The following XPO7 variants were observed in gnomAD, a reference collection of about 807,000 sequenced individuals.
XPO7 encodes the protein exportin 7, also known as exportin-7.
XPO7 carries 21 observed loss-of-function variants against 144.3 expected under a neutral mutation model. That is an observed-to-expected ratio of 0.15 (90% confidence interval 0.10 to 0.21). XPO7 has a LOEUF of 0.21. Ranked by LOEUF, XPO7 falls within the 10% of genes least tolerant of loss-of-function variation. XPO7 has a pLI of 1.00. For missense variants in XPO7, 808 were observed against 1,325.8 expected, an observed-to-expected ratio of 0.61 and a Z score of 6.06; for synonymous variants, 580 against 499.6, an observed-to-expected ratio of 1.16 and a Z score of -2.15.
chr8:21,976,280 C>T, intron 6 of XPO7, 76 bp from the exon 7 acceptor site: 1 of 1,525,324 alleles, frequency 6.6e-7, no homozygotes, highest in Non-Finnish European at 8.9e-7. Flanking sequence ...TCTGACTTAA[C>T]AGCTTTGTTG....
chr8:21,942,104 C>T (rs890469907), intron 1 of XPO7, among the ~76,000 whole-genome samples: 1 of 152,120 alleles, frequency 6.6e-6, no homozygotes, highest in African/African-American at 2.4e-5. Flanking sequence ...GGAGAAGATA[C>T]AAAGGTAGCA....
chr8:21,933,965 T>A (rs952127001), intron 1 of XPO7, among the ~76,000 whole-genome samples: 1 of 152,202 alleles, frequency 6.6e-6, no homozygotes, highest in African/African-American at 2.4e-5. Flanking sequence ...CTTAATTTTG[T>A]TATGTTGTTA....
intron 1 of XPO7, among the ~76,000 whole-genome samples, chr8:21,936,637 T>C (rs1244550660): frequency 3.3e-5 from 5 of 152,212 alleles, no homozygotes; most frequent in Non-Finnish European, 7.3e-5. Context: ...AAACTATGTA[T>C]TGTATCTTTC....
chr8:21,950,717 T>C (rs1019990171), intron 1 of XPO7, among the ~76,000 whole-genome samples: 25 of 152,296 alleles, frequency 1.6e-4, no homozygotes, highest in Non-Finnish European at 2.6e-4. Context: ...TTCATATTTG[T>C]TTTTCAGAAG....
intron 1 of XPO7, among the ~76,000 whole-genome samples, chr8:21,963,676 CAG>C (rs1489451300): frequency 6.9e-6 from 1 of 143,970 alleles, no homozygotes; most frequent in Non-Finnish European, 1.5e-5. Context: ...GCCTGGGCGA[CAG>C]AGTGAGACTC....
chr8:21,944,745 GCCGCCTT>G (rs992543877), intron 1 of XPO7, among the ~76,000 whole-genome samples: 19 of 152,052 alleles, frequency 1.2e-4, no homozygotes, highest in Admixed American at 9.2e-4. Context: ...CCTAGGCCCT[GCCGCCTT>G]CCGCCTTCCG....
At chr8:21,943,467 C>T (rs1051299006) in intron 1 of XPO7, among the ~76,000 whole-genome samples, 1 of 152,162 alleles carries the variant, frequency 6.6e-6, no homozygotes, top group Non-Finnish European at 1.5e-5. Flanking sequence ...ATTACTATAA[C>T]TGAACACATT....
At chr8:21,941,779 G>C (rs867137404) in intron 1 of XPO7, among the ~76,000 whole-genome samples, 1 of 152,262 alleles carries the variant, frequency 6.6e-6, no homozygotes, top group African/African-American at 2.4e-5. Flanking sequence ...AGGCTTAAGC[G>C]ATCCTCCCGC....
At chr8:21,971,119 C>T (rs1298844167) in intron 4 of XPO7, among the ~76,000 whole-genome samples, 1 of 152,154 alleles carries the variant, frequency 6.6e-6, no homozygotes, top group Non-Finnish European at 1.5e-5. Context: ...TATAGTTGCC[C>T]ACAGTATAGT....
At chr8:21,944,008 A>G (rs1178849614) in intron 1 of XPO7, among the ~76,000 whole-genome samples, 1 of 152,190 alleles carries the variant, frequency 6.6e-6, no homozygotes, top group African/African-American at 2.4e-5. Flanking sequence ...GTTTGATAAA[A>G]TCTCTCTGAA....
At chr8:21,940,988 C>T (rs1452623246) in intron 1 of XPO7, among the ~76,000 whole-genome samples, 2 of 152,076 alleles carry the variant, frequency 1.3e-5, no homozygotes, top group African/African-American at 4.8e-5. Flanking sequence ...AGCCTGAGTT[C>T]TTCAGTAGGT....
intron 15 of XPO7, chr8:21,988,760 G>C: frequency 2.0e-6 from 1 of 492,252 alleles, no homozygotes; most frequent in Non-Finnish European, 3.7e-6. Flanking sequence ...CCAAGGGCCT[G>C]GGTATGGGCC....
intron 1 of XPO7, among the ~76,000 whole-genome samples, chr8:21,938,734 C>G (rs1810896602): frequency 6.6e-6 from 1 of 151,624 alleles, no homozygotes; most frequent in Admixed American, 6.6e-5. Flanking sequence ...TCCGAATACC[C>G]TTATATTAAC....
Position 22,002,128 on chromosome 8 carries a change from A to G in XPO7, c.2799A>G (p.Thr933=). The change falls in exon 25 of 28, where the codon ACA becomes ACG. Residue 933 remains threonine (T), a synonymous_variant. Coordinates refer to ENST00000252512, the MANE Select transcript of XPO7 (RefSeq NM_015024.5). The stretch of plus-strand genomic sequence containing the variant: ...TTCTTGCAGACACCATGGTATGCAC[A>G]GGCTGCTGCTCCTGCCTGGACCACA... ...GLTALDTMVC[T]GCCSCLDHIV... 2 of 1,610,428 alleles carry G rather than the reference A, an allele frequency of 1.2e-6. No homozygotes were observed. Among genetic ancestry groups the G allele is most frequent in the Non-Finnish European group, 8.5e-7 (1 of 1,178,304 alleles).
intron 1 of XPO7, among the ~76,000 whole-genome samples, chr8:21,961,984 C>A (rs950119680): frequency 2.0e-5 from 3 of 152,204 alleles, no homozygotes; most frequent in Non-Finnish European, 4.4e-5. Flanking sequence ...ATTCTAATGG[C>A]TATCTCATCG....
intron 9 of XPO7, 94 bp from the exon 10 acceptor site, chr8:21,981,637 C>G: frequency 3.4e-6 from 5 of 1,477,306 alleles, no homozygotes; most frequent in Non-Finnish European, 4.6e-6. Flanking sequence ...AAAGTAGATT[C>G]TACCCCTTCC....
At chr8:21,963,568 G>A (rs367616930) in intron 1 of XPO7, among the ~76,000 whole-genome samples, 1 of 151,954 alleles carries the variant, frequency 6.6e-6, no homozygotes, top group Admixed American at 6.6e-5. Flanking sequence ...GGTGGCACGC[G>A]CCTGTAGTCC....
chr8:21,920,346 C>T (rs1810235256), intron 1 of XPO7, among the ~76,000 whole-genome samples: 2 of 152,090 alleles, frequency 1.3e-5, no homozygotes, highest in African/African-American at 4.8e-5. Flanking sequence ...CCCTTCCCTC[C>T]GACACTCCAA....
intron 9 of XPO7, among the ~76,000 whole-genome samples, chr8:21,981,073 A>G (rs1182660219): frequency 6.6e-6 from 1 of 152,210 alleles, no homozygotes; most frequent in African/African-American, 2.4e-5. Flanking sequence ...ATTACATTGA[A>G]TACCTACTCT....
Sources: allele counts gnomAD v4.1 joint callset (sites outside exome capture counted in the v4.1 genomes callset), GRCh38; gene constraint gnomAD v4.1.1; transcripts MANE v1.5; gene names NCBI Gene and HGNC (gene_info 2026-07-23, HGNC 2026-07-21).